The following TNKS variants were observed in gnomAD, a reference collection of about 807,000 sequenced individuals.
TNKS encodes tankyrase, also known as poly [ADP-ribose] polymerase tankyrase-1.
TNKS carries 72 observed loss-of-function variants against 135.8 expected under a neutral mutation model. The observed-to-expected ratio is 0.53, with a 90% CI of 0.44 to 0.64. TNKS has a LOEUF of 0.64. Among genes scored for constraint, TNKS ranks in the 30% least tolerant of loss-of-function variants. TNKS has a pLI of 0.00. For missense variants in TNKS, 1,769 were observed against 1,674.0 expected, an observed-to-expected ratio of 1.06 and a Z score of -0.99; for synonymous variants, 849 against 649.3, an observed-to-expected ratio of 1.31 and a Z score of -4.68.
At chr8:9,694,160 A>T (rs902909225) in intron 5 of TNKS, among the ~76,000 whole-genome samples, 1 of 152,232 alleles carries the variant, frequency 6.6e-6, no homozygotes, top group African/African-American at 2.4e-5. Flanking sequence ...TTGAAGTGTC[A>T]GTGTAAATTT....
chr8:9,684,401 T>G (rs1802902972), intron 5 of TNKS, among the ~76,000 whole-genome samples: 2 of 152,058 alleles, frequency 1.3e-5, no homozygotes, highest in Admixed American at 1.3e-4. Context: ...AAATAAATAT[T>G]TGAATAAAAT....
At chr8:9,602,785 A>G (rs117735778) in intron 2 of TNKS, among the ~76,000 whole-genome samples, 2,092 of 152,328 alleles carry the variant, frequency 0.014, 30 homozygotes, top group Middle Eastern at 0.024. Flanking sequence ...ATTTAACTCA[A>G]TGTATCTCAA....
At chr8:9,601,239 T>C (rs1363864456) in intron 2 of TNKS, among the ~76,000 whole-genome samples, 1 of 152,166 alleles carries the variant, frequency 6.6e-6, no homozygotes, top group Non-Finnish European at 1.5e-5. Context: ...GTAGTTTTTT[T>C]ATCTCTGTTA....
intron 1 of TNKS, among the ~76,000 whole-genome samples, chr8:9,578,030 A>G (rs1563397531): frequency 6.6e-6 from 1 of 152,130 alleles, no homozygotes; most frequent in Non-Finnish European, 1.5e-5. Context: ...TTCAATCTTA[A>G]AGTTCCAAAA....
At chr8:9,772,831 CTGTGTGTGTGTGTGTGTGTG>C (rs71201974) in intron 26 of TNKS, among the ~76,000 whole-genome samples, 2,024 of 119,112 alleles carry the variant, frequency 0.017, 23 homozygotes, top group African/African-American at 0.042. Flanking sequence ...GTGTGTGTGT[CTGTGTGTGTGTGTGTGTGTG>C]TGTGTGTGTA....
At chr8:9,602,352 CA>C (rs1317116953) in intron 2 of TNKS, among the ~76,000 whole-genome samples, 1 of 152,138 alleles carries the variant, frequency 6.6e-6, no homozygotes, top group African/African-American at 2.4e-5. Flanking sequence ...CAAAGGACTG[CA>C]CTGAGAGTTG....
intron 3 of TNKS, among the ~76,000 whole-genome samples, chr8:9,650,940 GT>G (rs1442591646): frequency 6.6e-6 from 1 of 152,128 alleles, no homozygotes; most frequent in Admixed American, 6.5e-5. Context: ...TAGAATTTCT[GT>G]TGTTTCAGGT....
intron 3 of TNKS, among the ~76,000 whole-genome samples, chr8:9,638,562 T>C (rs1454607286): frequency 6.6e-6 from 1 of 152,252 alleles, no homozygotes; most frequent in South Asian, 2.1e-4. Context: ...TTATATACTT[T>C]GTTTCTGAAA....
chr8:9,625,381 T>A (rs1403691660), intron 3 of TNKS, among the ~76,000 whole-genome samples: 3 of 152,034 alleles, frequency 2.0e-5, no homozygotes, highest in Non-Finnish European at 2.9e-5. Flanking sequence ...TTTTTCTGTT[T>A]TCAATATTGT....
At chr8:9,716,716 C>G (rs1381329585) in intron 11 of TNKS, among the ~76,000 whole-genome samples, 6 of 151,940 alleles carry the variant, frequency 3.9e-5, no homozygotes, top group Non-Finnish European at 7.4e-5. Context: ...GTCTTTCTCT[C>G]TCTTTCTCTT....
chr8:9,732,854 C>A (rs950067103), intron 14 of TNKS, among the ~76,000 whole-genome samples: 11 of 152,120 alleles, frequency 7.2e-5, no homozygotes, highest in Non-Finnish European at 1.5e-4. Flanking sequence ...ATATTTACAC[C>A]TGTGCATGGA....
chr8:9,678,249 G>A (rs1362947836), intron 3 of TNKS, among the ~76,000 whole-genome samples: 1 of 150,978 alleles, frequency 6.6e-6, no homozygotes, highest in Admixed American at 6.6e-5. Context: ...GTAGACATTT[G>A]GGGGCATGGG....
intron 17 of TNKS, 134 bp downstream of exon 17, chr8:9,735,620 G>GAAAC (rs756922061): frequency 3.6e-5 from 24 of 660,316 alleles, no homozygotes; most frequent in Non-Finnish European, 5.0e-5. Context: ...CTAACACGGT[G>GAAAC]AAACCCCGTC....
chr8:9,748,157 G>C lies in TNKS; in HGVS notation c.2777G>C (p.Gly926Ala), dbSNP rs760438238. ...TQLCALLLAH[G>A]ADPTMKNQEG... ...CTGTGCGCCCTCCTCCTAGCGCATG[G>C]TGCAGACCCCACCATGAAGAACCAG... The change falls in exon 18 of 27, where the codon GGT becomes GCT. Residue 926 changes from glycine (G) to alanine (A), a missense_variant. Gly to Ala is a moderately conservative substitution (Grantham distance 60). Transcript: ENST00000310430. 6.2e-7 allele frequency: 1 copy of C among 1,604,710 alleles called. No individual in the cohort carries two copies. Among genetic ancestry groups the C allele is most frequent in the Non-Finnish European group, 8.5e-7 (1 of 1,175,584 alleles).
At position 9,637,252 on chromosome 8, in the gene TNKS, C is replaced by A. The variant is rs35289093; in HGVS notation, c.994+21575C>A. Among the ~76,000 whole-genome samples the A allele has an allele frequency of 1.8e-3, 273 of 152,264 alleles. 3 individuals are homozygous for A. Among genetic ancestry groups the A allele is most frequent in the African/African-American group, 6.1e-3 (254 of 41,566 alleles). On this transcript the variant is annotated intron_variant, in intron 3 of 26. Transcript: ENST00000310430. ...GACTGTCCATTGATTTGTGGATTAT[C>A]AGAACTTTGTTATTGCCTGTGAGTA...
rs373923504 is a variant in TNKS at position 9,556,433 on chromosome 8, T to C, written c.494T>C (p.Leu165Pro). Residue 165 changes from leucine (L) to proline (P), a missense_variant, in exon 1 of 27, where the codon CTG becomes CCG. Physicochemically the swap from Leu to Pro is moderately conservative, Grantham distance 98. Around this residue, in one of 5 missense-constraint regions of TNKS, gnomAD observed 450 missense variants for 304.9 expected, o/e 1.48. Transcript: ENST00000310430. ...EAAGVSSTAP[L>P]GPGAAGPGTG... ...GCCGGAGTTAGCAGCACAGCACCAC[T>C]GGGGCCTGGGGCAGCAGGACCTGGG... 136 of 1,614,104 alleles carry C rather than the reference T, an allele frequency of 8.4e-5. 1 individual carries two copies. The South Asian group carries it at 1.3e-3, about 15-fold the overall frequency.
intron 3 of TNKS, among the ~76,000 whole-genome samples, chr8:9,622,414 C>A (rs755611067): frequency 6.6e-6 from 1 of 152,096 alleles, no homozygotes; most frequent in Non-Finnish European, 1.5e-5. Context: ...ATTTCAAGGG[C>A]GCTGAATCCT....
At position 9,778,251 on chromosome 8, in the gene TNKS, C is replaced by T. The variant is rs749927569; in HGVS notation, c.*1515C>T. ...CTTGATATACTGTGCATCTACTCTGCTTTGAAGCGAAAGAAATATAAACAC... is the reference window on the plus strand; with the variant it reads ...CTTGATATACTGTGCATCTACTCTGTTTTGAAGCGAAAGAAATATAAACAC... On this transcript the variant is annotated 3_prime_UTR_variant, in exon 27 of 27. Transcript: ENST00000310430. 7 of 152,344 alleles carry T rather than the reference C, an allele frequency of 4.6e-5. No homozygotes were observed. Among genetic ancestry groups the T allele is most frequent in the Non-Finnish European group, 1.5e-5 (1 of 68,020 alleles). 9.4% of individuals were successfully genotyped at this position (152,344 alleles called of 1,614,324 possible). A position where few individuals can be genotyped will look rare whatever the true frequency, so the allele number is the denominator to read the frequency against.
At chr8:9,721,298 T>TATATATATATATATATATATATATATA (rs1554477764) in intron 12 of TNKS, among the ~76,000 whole-genome samples, 1 of 118,152 alleles carries the variant, frequency 8.5e-6, no homozygotes, top group South Asian at 2.8e-4. Flanking sequence ...AATAAATAAA[T>TATATATATATATATATATATATATATA]TATATATATA....
Sources: gnomAD v4.1 joint callset for allele counts (sites outside exome capture counted in the v4.1 genomes callset) on GRCh38, gnomAD v4.1.1 for gene constraint, gnomAD v4.1.1 regional missense constraint, MANE v1.5 for transcripts, NCBI Gene and HGNC (gene_info 2026-07-23, HGNC 2026-07-21) for gene names.